The following CHIC1 variants were observed in gnomAD, a reference collection of about 807,000 sequenced individuals.
The protein encoded by CHIC1 is cysteine rich hydrophobic domain 1.
CHIC1 carries 7 observed loss-of-function variants against 18.5 expected under a neutral mutation model. The observed-to-expected ratio is 0.38, with a 90% confidence interval of 0.22 to 0.71. CHIC1 has a LOEUF of 0.71. Among genes scored for constraint, CHIC1 ranks in the 30% least tolerant of loss-of-function variants. The pLI, the probability that CHIC1 is intolerant of heterozygous loss-of-function variation, is 0.49. For missense variants in CHIC1, 159 were observed against 176.9 expected (o/e 0.90, Z 0.57); for synonymous variants, 77 against 73.5 (o/e 1.05, Z -0.25).
intron 3 of CHIC1, among the ~76,000 whole-genome samples, chrX:73,675,558 G>A (rs1456715481): frequency 1.8e-5 from 2 of 111,290 alleles, no homozygotes; most frequent in Non-Finnish European, 3.8e-5. Flanking sequence ...TGCAAACCCT[G>A]CCTTTTTTTG....
At chrX:73,655,412 A>G (rs759234675) in intron 3 of CHIC1, among the ~76,000 whole-genome samples, 13 of 97,335 alleles carry the variant, frequency 1.3e-4, no homozygotes, top group Non-Finnish European at 2.5e-4. Flanking sequence ...TATATACAAT[A>G]TTGTGTATAT....
intron 3 of CHIC1, among the ~76,000 whole-genome samples, chrX:73,610,972 G>A (rs1934281665): frequency 9.6e-6 from 1 of 104,385 alleles, no homozygotes; most frequent in Admixed American, 1.0e-4. Context: ...TTCTTGGTTA[G>A]TCTAACTAGC....
chrX:73,653,811 T>C (rs1419985925), intron 3 of CHIC1, among the ~76,000 whole-genome samples: 1 of 112,177 alleles, frequency 8.9e-6, no homozygotes, highest in African/African-American at 3.2e-5. Flanking sequence ...AAAAAATTTT[T>C]TGTATCTATT....
chrX:73,681,194 G>A lies in CHIC1; in HGVS notation c.*189G>A. The A allele has an allele frequency of 2.6e-6, 1 of 385,980 alleles. No individual in the cohort carries two copies. Among genetic ancestry groups the A allele is most frequent in the South Asian group, 4.9e-5 (1 of 20,451 alleles). The allele number at this position is 385,980 out of a possible 1,213,427, so 31.8% of individuals were successfully genotyped here. A position where few individuals can be genotyped will look rare whatever the true frequency, so the allele number is the denominator to read the frequency against. ...TCTTTTTTGTCTTTCAATGAGGCTTGTGTTTTGCACTCTCAATTTTAAATA... is the reference window on the plus strand; with the variant it reads ...TCTTTTTTGTCTTTCAATGAGGCTTATGTTTTGCACTCTCAATTTTAAATA... On this transcript the variant is annotated 3_prime_UTR_variant, in exon 6 of 6. Transcript: ENST00000373502.
At chrX:73,663,258 A>G (rs965352993) in intron 3 of CHIC1, among the ~76,000 whole-genome samples, 4 of 111,098 alleles carry the variant, frequency 3.6e-5, no homozygotes, top group Non-Finnish European at 7.5e-5. Flanking sequence ...TGATTGTTCT[A>G]TGTGGCCGGC....
intron 3 of CHIC1, among the ~76,000 whole-genome samples, chrX:73,604,864 G>A (rs1164157220): frequency 9.1e-6 from 1 of 109,396 alleles, no homozygotes; most frequent in African/African-American, 3.5e-5. Flanking sequence ...ACTGTGGTCT[G>A]AAAGATGGTT....
chrX:73,599,287 G>C (rs2147563885), intron 3 of CHIC1, among the ~76,000 whole-genome samples: 1 of 104,548 alleles, frequency 9.6e-6, no homozygotes, highest in African/African-American at 3.8e-5. Context: ...TAGGTTACCT[G>C]TTCACTCTGA....
intron 2 of CHIC1, among the ~76,000 whole-genome samples, chrX:73,584,100 A>G (rs1490550573): frequency 9.0e-6 from 1 of 111,154 alleles, no homozygotes; most frequent in African/African-American, 3.3e-5. Flanking sequence ...ACTATCAATT[A>G]TACTGCCTTG....
At chrX:73,635,750 C>T (rs922217153) in intron 3 of CHIC1, among the ~76,000 whole-genome samples, 1 of 111,610 alleles carries the variant, frequency 9.0e-6, no homozygotes, top group Admixed American at 9.5e-5. Flanking sequence ...CTTTTTTCTT[C>T]ATCAGTCTAG....
intron 3 of CHIC1, among the ~76,000 whole-genome samples, chrX:73,678,634 G>A (rs1030609661): frequency 8.9e-6 from 1 of 112,277 alleles, no homozygotes; most frequent in Non-Finnish European, 1.9e-5. Context: ...TTATTTTAAT[G>A]TTTTGAAAAG....
At chrX:73,609,620 T>C (rs2057698631) in intron 3 of CHIC1, among the ~76,000 whole-genome samples, 1 of 109,714 alleles carries the variant, frequency 9.1e-6, no homozygotes. Context: ...GTTGTCCAGG[T>C]TGGCCTTGAA....
At chrX:73,575,965 A>G (rs1046535585) in intron 1 of CHIC1, among the ~76,000 whole-genome samples, 1 of 109,688 alleles carries the variant, frequency 9.1e-6, no homozygotes, top group Non-Finnish European at 1.9e-5. Flanking sequence ...TCCTTATTCT[A>G]TTAATTTTTT....
chrX:73,584,474 G>C lies in CHIC1; in HGVS notation c.409G>C (p.Ala137Pro). ...IGRVNACLKK[A>P]LPVNVKWLLC... The stretch of plus-strand genomic sequence containing the variant: ...CCGTGTGAATGCATGTTTGAAAAAG[G>C]CTCTCCCGGTCAATGTGAAATGGCT... Residue 137 changes from alanine (A) to proline (P), a missense_variant, in exon 3 of 6, where the codon GCT becomes CCT. Transcript: ENST00000373502. The C allele has an allele frequency of 2.5e-6, 3 of 1,176,821 alleles. No homozygotes were observed. The highest frequency in any genetic ancestry group is 3.4e-6 in the Non-Finnish European group (3 of 876,890).
chrX:73,603,713 G>T (rs2057664278), intron 3 of CHIC1, among the ~76,000 whole-genome samples: 1 of 108,640 alleles, frequency 9.2e-6, no homozygotes, highest in Non-Finnish European at 1.9e-5. Flanking sequence ...AGCATGAAGG[G>T]TTGTTGAATT....
chrX:73,673,485 T>C (rs2147627258), intron 3 of CHIC1, among the ~76,000 whole-genome samples: 1 of 111,955 alleles, frequency 8.9e-6, no homozygotes, highest in South Asian at 3.7e-4. Context: ...GTTGGATTCC[T>C]AGGTATTTTA....
At chrX:73,589,217 GA>G (rs1302899821) in intron 3 of CHIC1, among the ~76,000 whole-genome samples, 2 of 110,477 alleles carry the variant, frequency 1.8e-5, no homozygotes, top group Admixed American at 1.9e-4. Flanking sequence ...GAGATACTGG[GA>G]GTTGTGATTT....
chrX:73,680,907 A>T, intron 5 of CHIC1, 48 bp from the exon 6 acceptor site: 1 of 689,667 alleles, frequency 1.4e-6, no homozygotes, highest in Non-Finnish European at 2.2e-6. Flanking sequence ...TATAAGTTAT[A>T]TTAAATGAAA....
At chrX:73,580,130 C>T (rs767252509) in intron 2 of CHIC1, among the ~76,000 whole-genome samples, 3 of 110,682 alleles carry the variant, frequency 2.7e-5, no homozygotes, top group Admixed American at 9.6e-5. Context: ...AAGGAATCTT[C>T]AGAATATCTT....
At chrX:73,605,194 G>A (rs1036407098) in intron 3 of CHIC1, among the ~76,000 whole-genome samples, 2 of 108,392 alleles carry the variant, frequency 1.8e-5, no homozygotes, top group Non-Finnish European at 3.8e-5. Flanking sequence ...TGTATTGGGT[G>A]CATATATATT....
Sources: gnomAD v4.1 joint callset for allele counts (sites outside exome capture counted in the v4.1 genomes callset) on GRCh38, gnomAD v4.1.1 for gene constraint, MANE v1.5 for transcripts, NCBI Gene and HGNC (gene_info 2026-07-23, HGNC 2026-07-21) for gene names.